Variants in PRKAG2 observed in about 807,000 individuals in gnomAD.
The protein encoded by PRKAG2 is 5'-AMP-activated protein kinase subunit gamma-2.
PRKAG2 carries 26 observed loss-of-function variants against 69.6 expected under a neutral mutation model. The ratio of observed to expected loss-of-function variants is 0.37; its 90% CI spans 0.27 to 0.52. The LOEUF is 0.52. Ranked by LOEUF, PRKAG2 falls within the 20% of genes least tolerant of loss-of-function variation. The probability of loss-of-function intolerance (pLI) is 0.90; values close to 1 mark genes in which losing one functional copy is unlikely to be tolerated. For synonymous variants in PRKAG2, 293 were observed against 285.0 expected, an observed-to-expected ratio of 1.03 and a Z score of -0.28; for missense variants, 557 against 740.0, an observed-to-expected ratio of 0.75 and a Z score of 2.87.
Position 151,632,360 on chromosome 7 carries a change from C to T in PRKAG2, c.685-222G>A, listed in dbSNP as rs1824829462. 7 of 515,170 alleles carry T rather than the reference C, an allele frequency of 1.4e-5. No individual in the cohort carries two copies. Among genetic ancestry groups the T allele is most frequent in the Non-Finnish European group, 1.7e-5 (7 of 402,778 alleles). 31.9% of individuals were successfully genotyped at this position (515,170 alleles called of 1,614,324 possible). A position where few individuals can be genotyped will look rare whatever the true frequency, so the allele number is the denominator to read the frequency against. Reference sequence around the variant, plus strand: ...CCGCAGGTGGCGCGGCCGCGGCCCGCGTGCCCCTCCGCGAGTGGGACGCGC... The same window carrying T: ...CCGCAGGTGGCGCGGCCGCGGCCCGTGTGCCCCTCCGCGAGTGGGACGCGC... On this transcript the variant is annotated intron_variant, in intron 4 of 15. Coordinates refer to ENST00000287878, the MANE Select transcript of PRKAG2 (RefSeq NM_016203.4). This position sits in a 1 kb window ranked among gnomAD's most constrained non-coding sequence, Gnocchi z 4.2.
At chr7:151,726,070 TG>T (rs904068949) in intron 3 of PRKAG2, among the ~76,000 whole-genome samples, 18 of 152,218 alleles carry the variant, frequency 1.2e-4, no homozygotes, top group East Asian at 1.2e-3. Flanking sequence ...GCCTCAGAGA[TG>T]GTGCTCCCTC....
chr7:151,750,503 A>G (rs1344623965), intron 3 of PRKAG2, among the ~76,000 whole-genome samples: 1 of 152,232 alleles, frequency 6.6e-6, no homozygotes, highest in South Asian at 2.1e-4. Context: ...CACATGCAGA[A>G]GCCCGCAGGT....
rs146881979 is a variant in PRKAG2, at chr7:151,777,434, G to A, written c.466+3718C>T. 5.5e-3 allele frequency among the ~76,000 whole-genome samples: 840 copies of A among 152,304 alleles called. 4 individuals are homozygous for A. Among genetic ancestry groups the A allele is most frequent in the Non-Finnish European group, 7.9e-3 (540 of 68,012 alleles). On this transcript the variant is annotated intron_variant, in intron 3 of 15. Coordinates refer to ENST00000287878, the MANE Select transcript of PRKAG2 (RefSeq NM_016203.4). The surrounding 1 kb of genome is among the most constrained non-coding windows in gnomAD (Gnocchi z 4.3). ...CGTGGGAGGTGTTTGGGTCCTGGGG[G>A]CAGATGCCTCATGAATGGCTGGGTT...
At chr7:151,691,992 G>T (rs1283957130) in intron 3 of PRKAG2, among the ~76,000 whole-genome samples, 1 of 152,084 alleles carries the variant, frequency 6.6e-6, no homozygotes, top group African/African-American at 2.4e-5. Flanking sequence ...TTCAAGACCA[G>T]CCTAGGCAAC....
chr7:151,864,354 G>A (rs2080008438), intron 1 of PRKAG2, among the ~76,000 whole-genome samples: 1 of 152,202 alleles, frequency 6.6e-6, no homozygotes, highest in African/African-American at 2.4e-5. Context: ...CGACGTGGCA[G>A]GTCACTTAAC....
chr7:151,692,830 A>G (rs1835895222), intron 3 of PRKAG2, among the ~76,000 whole-genome samples: 2 of 152,080 alleles, frequency 1.3e-5, no homozygotes, highest in South Asian at 2.1e-4. Flanking sequence ...TCTGGCCCAA[A>G]GGTCATCTCC....
chr7:151,620,284 C>A (rs1319143252), intron 5 of PRKAG2, among the ~76,000 whole-genome samples: 1 of 152,100 alleles, frequency 6.6e-6, no homozygotes, highest in East Asian at 1.9e-4. Flanking sequence ...CAGTTTCTCT[C>A]CTTTATCAAC....
intron 15 of PRKAG2, chr7:151,558,955 A>G (rs1804355058): frequency 1.0e-6 from 1 of 985,302 alleles, no homozygotes. Context: ...GCCCAAAGAG[A>G]CAGACAAGAG....
At position 151,812,127 on chromosome 7, in the gene PRKAG2, C is replaced by T. The variant is rs768859282; in HGVS notation, c.115-25586G>A. ...CAGCTAACAGCAGTGTAAGAGGTAACGTAGAGACAGATCCTTCTAAGAAAT... is the reference window on the plus strand; with the variant it reads ...CAGCTAACAGCAGTGTAAGAGGTAATGTAGAGACAGATCCTTCTAAGAAAT... On this transcript the variant is annotated intron_variant, in intron 1 of 15. Coordinates refer to ENST00000287878, the MANE Select transcript of PRKAG2 (RefSeq NM_016203.4). Among the ~76,000 whole-genome samples the T allele has an allele frequency of 3.3e-5, 5 of 152,136 alleles. No homozygotes were observed. The South Asian group carries it at 6.2e-4, about 19-fold the overall frequency.
At chr7:151,584,551 C>T (rs777787308) in intron 6 of PRKAG2, among the ~76,000 whole-genome samples, 4 of 152,068 alleles carry the variant, frequency 2.6e-5, no homozygotes, top group Admixed American at 6.5e-5. Context: ...TAAAGATCAA[C>T]TCGGGGGTCT....
At chr7:151,736,383 CTTTTTTTT>C in intron 3 of PRKAG2, 2 of 914,422 alleles carry the variant, frequency 2.2e-6, no homozygotes, top group Non-Finnish European at 2.6e-6. Flanking sequence ...CTCTCCAGGG[CTTTTTTTT>C]TTTTTTTTTT....
intron 5 of PRKAG2, among the ~76,000 whole-genome samples, chr7:151,620,086 T>C (rs1360603416): frequency 6.6e-6 from 1 of 152,044 alleles, no homozygotes; most frequent in East Asian, 1.9e-4. Context: ...ACATTTCCAG[T>C]TCCACGCATT....
At chr7:151,826,119 A>C (rs773900219) in intron 1 of PRKAG2, among the ~76,000 whole-genome samples, 17 of 151,850 alleles carry the variant, frequency 1.1e-4, no homozygotes, top group Middle Eastern at 3.4e-3. Flanking sequence ...CCCTGCCCTA[A>C]ACACCCCCAC....
intron 15 of PRKAG2, chr7:151,559,046 C>T (rs4726050): frequency 0.63 from 619,386 of 985,176 alleles, 199,910 homozygotes; most frequent in East Asian, 0.71. Flanking sequence ...CTGAAGGTGC[C>T]AAGCTATATA....
At chr7:151,841,076 C>T (rs2079265405) in intron 1 of PRKAG2, among the ~76,000 whole-genome samples, 1 of 152,204 alleles carries the variant, frequency 6.6e-6, no homozygotes, top group Non-Finnish European at 1.5e-5. Flanking sequence ...GCACCCTTGG[C>T]CTCCTGGATT....
intron 3 of PRKAG2, among the ~76,000 whole-genome samples, chr7:151,761,568 C>G (rs1443641224): frequency 1.3e-5 from 2 of 152,240 alleles, no homozygotes; most frequent in East Asian, 3.9e-4. Flanking sequence ...TCAGCTGCAC[C>G]CATTCCCTAG....
intron 8 of PRKAG2, 113 bp from the exon 9 acceptor site, chr7:151,572,822 A>T (rs773694324): frequency 2.5e-4 from 175 of 705,174 alleles, no homozygotes; most frequent in Non-Finnish European, 3.8e-4. Context: ...CGCAATTAGA[A>T]AATGAGGCGG....
At chr7:151,663,073 T>TA (rs1214449883) in intron 4 of PRKAG2, among the ~76,000 whole-genome samples, 5 of 151,798 alleles carry the variant, frequency 3.3e-5, no homozygotes, top group Non-Finnish European at 5.9e-5. Context: ...TTCCAAAATT[T>TA]AAAAAACAAA....
intron 4 of PRKAG2, among the ~76,000 whole-genome samples, chr7:151,650,536 C>CTA (rs1436798679): frequency 2.0e-5 from 3 of 152,168 alleles, no homozygotes; most frequent in African/African-American, 7.2e-5. Flanking sequence ...TGCTGACACG[C>CTA]TATACTAGCA....
Sources: gnomAD v4.1 joint callset for allele counts (sites outside exome capture counted in the v4.1 genomes callset) on GRCh38, gnomAD v4.1.1 for gene constraint, Gnocchi (gnomAD v3.1) non-coding constraint, MANE v1.5 for transcripts, NCBI Gene and HGNC (gene_info 2026-07-23, HGNC 2026-07-21) for gene names.